Variants in SPPL2B observed in about 807,000 individuals in gnomAD.
The protein encoded by SPPL2B is signal peptide peptidase like 2B.
A neutral mutation model predicts 59.7 loss-of-function variants in SPPL2B; 39 were observed. That is an observed-to-expected ratio of 0.65 (90% confidence interval 0.51 to 0.85). The LOEUF is 0.85. SPPL2B is among the 40% of genes least tolerant of loss of function. The probability of loss-of-function intolerance (pLI) is 0.00; values close to 1 mark genes in which losing one functional copy is unlikely to be tolerated. For synonymous variants in SPPL2B, 419 were observed against 370.8 expected (o/e 1.13, Z -1.49); for missense variants, 865 against 849.0 (o/e 1.02, Z -0.23).
chr19:2,330,852 A>T (rs185450984), intron 1 of SPPL2B: 1 of 152,204 alleles, frequency 6.6e-6, no homozygotes, highest in Admixed American at 6.5e-5. Flanking sequence ...GAGGGTGGGG[A>T]GTCAAAGGAT....
chr19:2,352,258 C>T (rs1297896190), intron 14 of SPPL2B, among the ~76,000 whole-genome samples: 3 of 152,152 alleles, frequency 2.0e-5, no homozygotes, highest in East Asian at 1.9e-4. Flanking sequence ...CCGAGAGCTG[C>T]CCCCGCCCCT....
intron 7 of SPPL2B, 41 bp downstream of exon 7, chr19:2,340,213 C>T (rs373233617): frequency 2.5e-5 from 36 of 1,445,834 alleles, no homozygotes; most frequent in East Asian, 1.7e-4. Flanking sequence ...TGACTCTGTG[C>T]GGTGATGGCC....
chr19:2,347,180 G>A (rs1368067347), intron 13 of SPPL2B, among the ~76,000 whole-genome samples: 254 of 94,516 alleles, frequency 2.7e-3, no homozygotes, highest in African/African-American at 7.7e-3. Flanking sequence ...CCACACACAC[G>A]CGCTCTCATT....
At chr19:2,333,749 G>A (rs930308946) in intron 1 of SPPL2B, among the ~76,000 whole-genome samples, 4 of 152,316 alleles carry the variant, frequency 2.6e-5, no homozygotes, top group South Asian at 4.1e-4. Flanking sequence ...CCGTGGATCC[G>A]GGCCTTCTCC....
rs1338298445 is a variant in SPPL2B at position 2,344,005 on chromosome 19, T to A, written c.1079T>A (p.Ile360Asn). The A allele has an allele frequency of 6.5e-7, 1 of 1,548,310 alleles. No homozygotes were observed. The highest frequency in any genetic ancestry group is 2.4e-5 in the East Asian group (1 of 40,890). ...LLLLVLFLYD[I>N]FFVFITPFLT... is the part of the protein sequence containing the mutation. ...CTGCTGGTGCTGTTCCTCTACGACA[T>A]CTTCTTCGTGTTCATCACGCCCTTC... is the stretch of plus-strand genomic sequence containing the variant. Residue 360 changes from isoleucine to asparagine, a missense_variant, in exon 10 of 15, where the codon ATC (isoleucine) becomes AAC (asparagine). Transcript: ENST00000613503.
At chr19:2,335,413 T>C (rs1250841798) in intron 2 of SPPL2B, among the ~76,000 whole-genome samples, 7 of 118,548 alleles carry the variant, frequency 5.9e-5, no homozygotes, top group Admixed American at 1.7e-4. Context: ...CACTGCATGC[T>C]TCAGGCCCCG....
chr19:2,352,470 C>A (rs1382369234), intron 14 of SPPL2B, among the ~76,000 whole-genome samples: 4 of 152,152 alleles, frequency 2.6e-5, no homozygotes, highest in Non-Finnish European at 5.9e-5. Flanking sequence ...CCGTCCCTGC[C>A]GCACTGGTGT....
chr19:2,338,973 G>A, intron 4 of SPPL2B, 96 bp from the exon 5 acceptor site: 1 of 1,503,168 alleles, frequency 6.7e-7, no homozygotes, highest in South Asian at 1.3e-5. Context: ...CTGCAGGCCA[G>A]GGTCTCCAGC....
rs1599265317 is a variant in SPPL2B, at chr19:2,353,880, T to G, written c.*671T>G. 1 of 152,662 alleles carries G rather than the reference T, an allele frequency of 6.6e-6. No individual in the cohort carries two copies. Among genetic ancestry groups the G allele is most frequent in the South Asian group, 2.1e-4 (1 of 4,844 alleles). 9.5% of individuals were successfully genotyped at this position (152,662 alleles called of 1,614,324 possible). A position where few individuals can be genotyped will look rare whatever the true frequency, so the allele number is the denominator to read the frequency against. On this transcript the variant is annotated 3_prime_UTR_variant, in exon 15 of 15. Coordinates refer to ENST00000613503, the MANE Select transcript of SPPL2B (RefSeq NM_152988.3). ...TGCCCTGCCCTCAGCCAGAGGTGCC[T>G]GGCCATGCCTGCACACTCCTCCCCA...
intron 9 of SPPL2B, 35 bp from the exon 10 acceptor site, chr19:2,343,930 G>A (rs1247708891): frequency 5.3e-6 from 8 of 1,519,808 alleles, no homozygotes; most frequent in Non-Finnish European, 6.2e-6. Context: ...GGCACGGGCC[G>A]GGGTGGGGGC....
In SPPL2B at chr19:2,328,731, G is replaced by C. The variant is rs146617207; in HGVS notation, c.22G>C (p.Ala8Pro). 7.6e-5 allele frequency: 111 copies of C among 1,459,414 alleles called. 3 individuals carry two copies. The South Asian group carries it at 1.3e-3, about 17-fold the overall frequency. 90.4% of individuals were successfully genotyped at this position (1,459,414 alleles called of 1,614,324 possible). A position where few individuals can be genotyped will look rare whatever the true frequency, so the allele number is the denominator to read the frequency against. Residue 8 changes from alanine (A) to proline (P), a missense_variant, in exon 1 of 15, where the codon GCG becomes CCG. By Grantham distance (27) the Ala-to-Pro change is conservative (BLOSUM62 -1). Coordinates refer to ENST00000613503, the MANE Select transcript of SPPL2B (RefSeq NM_152988.3). MAAAVAAALARLLAAFLL... is the reference protein window; with the variant it reads MAAAVAAPLARLLAAFLL... ...CGACATGGCGGCAGCGGTGGCGGCT[G>C]CGCTGGCGCGGCTTTTGGCGGCCTT...
chr19:2,350,684 C>T (rs1001015023), intron 13 of SPPL2B, among the ~76,000 whole-genome samples: 2 of 152,254 alleles, frequency 1.3e-5, no homozygotes, highest in African/African-American at 4.8e-5. Flanking sequence ...CGAAGCAATG[C>T]CATGCGACAG....
At chr19:2,335,913 G>A (rs752426297) in intron 2 of SPPL2B, among the ~76,000 whole-genome samples, 11 of 152,258 alleles carry the variant, frequency 7.2e-5, no homozygotes, top group Non-Finnish European at 1.0e-4. Flanking sequence ...TCATGTGTCT[G>A]CATGTTTATG....
chr19:2,343,908 G>A, intron 9 of SPPL2B, 57 bp from the exon 10 acceptor site: 2 of 1,332,610 alleles, frequency 1.5e-6, no homozygotes, highest in Non-Finnish European at 2.1e-6. Flanking sequence ...CTCATGAGAT[G>A]GGAGTGGGGG....
chr19:2,351,451 C>A lies in SPPL2B; in HGVS notation c.1372C>A (p.Leu458Ile), dbSNP rs1302308928. 6 of 1,607,740 alleles carry A rather than the reference C, an allele frequency of 3.7e-6. No homozygotes were observed. Among genetic ancestry groups the A allele is most frequent in the Non-Finnish European group, 5.1e-6 (6 of 1,177,986 alleles). Residue 458 changes from leucine (L) to isoleucine (I), a missense_variant, in exon 14 of 15, where the codon CTT (leucine) becomes ATT (isoleucine). Physicochemically the swap from Leu to Ile is conservative, Grantham distance 5. Transcript: ENST00000613503. ...CCCCACAGCCTATGGCGTTGGCCTC[C>A]TTGTGACATTCGTGGCACTGGCCCT... is the stretch of plus-strand genomic sequence containing the variant. ...ACTIAYGVGL[L>I]VTFVALALMQ...
chr19:2,334,778 C>G, intron 2 of SPPL2B, 57 bp downstream of exon 2: 2 of 1,464,118 alleles, frequency 1.4e-6, no homozygotes, highest in South Asian at 1.4e-5. Flanking sequence ...CCCCGGGGCT[C>G]TAGAGACACA....
rs569109347 is a variant in SPPL2B at position 2,341,000 on chromosome 19, C to T, written c.942C>T (p.Phe314=). The T allele has an allele frequency of 3.1e-6, 5 of 1,604,126 alleles. No homozygotes were observed. The African/African-American group carries it at 6.7e-5, about 21-fold the overall frequency. ...CVAVSVVWGV[F]RNEDQWAWVL... is the part of the protein sequence containing the mutation. ...CCGTCAGCGTGGTGTGGGGCGTCTT[C>T]CGCAACGAGGACCAGTAAGTGCTGC... The change falls in exon 8 of 15, where the codon TTC becomes TTT. Residue 314 remains phenylalanine (F), a synonymous_variant. Transcript: ENST00000613503.
intron 7 of SPPL2B, 133 bp from the exon 8 acceptor site, chr19:2,340,765 T>G: frequency 3.3e-6 from 2 of 608,312 alleles, no homozygotes; most frequent in Non-Finnish European, 5.8e-6. Context: ...GTGTGGGATG[T>G]GGAGTTTAAT....
intron 14 of SPPL2B, among the ~76,000 whole-genome samples, chr19:2,352,515 G>C (rs1969983951): frequency 6.6e-6 from 1 of 152,198 alleles, no homozygotes; most frequent in Non-Finnish European, 1.5e-5. Context: ...CCAGTGCCGA[G>C]CTGGGCTCAT....
Sources: gnomAD v4.1 joint callset for allele counts (sites outside exome capture counted in the v4.1 genomes callset) on GRCh38, gnomAD v4.1.1 for gene constraint, MANE v1.5 for transcripts, NCBI Gene and HGNC (gene_info 2026-07-23, HGNC 2026-07-21) for gene names.